Variants in ZMAT4 observed in about 807,000 individuals in gnomAD.
The protein encoded by ZMAT4 is zinc finger matrin-type protein 4.
In ZMAT4, 17 loss-of-function variants were observed where a neutral mutation model predicts 28.7. That is an observed-to-expected ratio of 0.59 (90% CI 0.41 to 0.89). The LOEUF is 0.89. Among genes scored for constraint, ZMAT4 ranks in the 40% least tolerant of loss-of-function variants. The pLI is 0.00. For missense variants in ZMAT4, 240 were observed against 283.8 expected, an observed-to-expected ratio of 0.85 and a Z score of 1.11; for synonymous variants, 117 against 109.2, an observed-to-expected ratio of 1.07 and a Z score of -0.44.
chr8:40,614,729 C>T (rs1805933421), intron 5 of ZMAT4, among the ~76,000 whole-genome samples: 1 of 152,150 alleles, frequency 6.6e-6, no homozygotes, highest in Admixed American at 6.5e-5. Context: ...ACTGTTTTAT[C>T]AGAGACTAGG....
At chr8:40,844,492 A>G (rs1181488813) in intron 1 of ZMAT4, among the ~76,000 whole-genome samples, 1 of 152,220 alleles carries the variant, frequency 6.6e-6, no homozygotes, top group Non-Finnish European at 1.5e-5. Flanking sequence ...AAGCTGAATT[A>G]CATGACTAGC....
At chr8:40,896,258 G>A (rs751341603) in intron 1 of ZMAT4, among the ~76,000 whole-genome samples, 12 of 152,282 alleles carry the variant, frequency 7.9e-5, no homozygotes, top group African/African-American at 2.6e-4. Context: ...GCATCTCCGT[G>A]GAAGGGTGCC....
In ZMAT4 at chr8:40,562,549, C is replaced by G. The variant is rs185426130; in HGVS notation, c.674+18616G>C. On this transcript the variant is annotated intron_variant, in intron 6 of 6. Transcript: ENST00000297737. ...GCATAGCAAACAGCTACACATCACC[C>G]TCCATCCTCCTGGGTGCTGTCATCA... 1.1e-3 allele frequency among the ~76,000 whole-genome samples: 174 copies of G among 152,274 alleles called. 1 individual carries two copies. The highest frequency in any genetic ancestry group is 3.2e-3 in the African/African-American group (131 of 41,566).
intron 5 of ZMAT4, among the ~76,000 whole-genome samples, chr8:40,645,868 T>G (rs1563384003): frequency 6.6e-6 from 1 of 152,108 alleles, no homozygotes; most frequent in Admixed American, 6.5e-5. Flanking sequence ...TACAGTAATA[T>G]GTATATATAA....
intron 3 of ZMAT4, among the ~76,000 whole-genome samples, chr8:40,733,325 C>G (rs115285054): frequency 0.017 from 2,573 of 152,258 alleles, 70 homozygotes; most frequent in African/African-American, 0.058. Flanking sequence ...TGGTATATTT[C>G]ATTTCCAAGC....
chr8:40,626,748 AC>A (rs1351438994), intron 5 of ZMAT4, among the ~76,000 whole-genome samples: 1 of 152,202 alleles, frequency 6.6e-6, no homozygotes, highest in Non-Finnish European at 1.5e-5. Context: ...AGGCAAAGCA[AC>A]ACTGGGATTG....
intron 1 of ZMAT4, among the ~76,000 whole-genome samples, chr8:40,873,131 G>T (rs1817922406): frequency 6.6e-6 from 1 of 152,182 alleles, no homozygotes; most frequent in Admixed American, 6.5e-5. Flanking sequence ...AGCTTTGAGG[G>T]ATGTGTTGCC....
intron 5 of ZMAT4, among the ~76,000 whole-genome samples, chr8:40,643,166 C>T (rs1389116174): frequency 6.6e-6 from 1 of 152,056 alleles, no homozygotes; most frequent in African/African-American, 2.4e-5. Context: ...ATGTCTGTGC[C>T]CACACACTAG....
chr8:40,850,709 C>T (rs1817072247), intron 1 of ZMAT4, among the ~76,000 whole-genome samples: 1 of 152,170 alleles, frequency 6.6e-6, no homozygotes, highest in African/African-American at 2.4e-5. Flanking sequence ...TTACAGATCA[C>T]GTGGGGTGGG....
rs1803858790 is a variant in ZMAT4, at chr8:40,564,741, T to C, written c.674+16424A>G. Among the ~76,000 whole-genome samples the C allele has an allele frequency of 5.3e-5, 8 of 152,308 alleles. No individual in the cohort carries two copies. The South Asian group carries it at 1.7e-3, about 32-fold the overall frequency. ...GAATGATATTCATGATATTCATTGATTTTAGTCATTCAAATTATGTGTTGG... is the reference window on the plus strand; with the variant it reads ...GAATGATATTCATGATATTCATTGACTTTAGTCATTCAAATTATGTGTTGG... On this transcript the variant is annotated intron_variant, in intron 6 of 6. Coordinates refer to ENST00000297737, the MANE Select transcript of ZMAT4 (RefSeq NM_024645.3).
intron 1 of ZMAT4, among the ~76,000 whole-genome samples, chr8:40,858,158 C>A (rs1000661970): frequency 1.3e-5 from 2 of 152,128 alleles, no homozygotes; most frequent in Admixed American, 6.5e-5. Context: ...GACCTCAATA[C>A]TTTTTTCACA....
intron 5 of ZMAT4, among the ~76,000 whole-genome samples, chr8:40,636,263 A>G (rs1250175933): frequency 6.6e-6 from 1 of 152,236 alleles, no homozygotes; most frequent in Non-Finnish European, 1.5e-5. Flanking sequence ...ACTGGCTTGC[A>G]CTCACAAAAT....
intron 5 of ZMAT4, among the ~76,000 whole-genome samples, chr8:40,659,609 G>T (rs117845497): frequency 4.1e-4 from 63 of 152,192 alleles, no homozygotes; most frequent in African/African-American, 1.4e-3. Context: ...GATATTTCAC[G>T]TATTCTGGAG....
intron 4 of ZMAT4, among the ~76,000 whole-genome samples, chr8:40,680,700 GTACACACACACA>G (rs1809121680): frequency 6.7e-6 from 1 of 149,094 alleles, no homozygotes; most frequent in African/African-American, 2.5e-5. Context: ...CATGTCTAAT[GTACACACACACA>G]CACACACACA....
At chr8:40,635,070 C>A (rs926888148) in intron 5 of ZMAT4, among the ~76,000 whole-genome samples, 3 of 152,150 alleles carry the variant, frequency 2.0e-5, no homozygotes, top group Non-Finnish European at 2.9e-5. Context: ...TCCTGGGGAT[C>A]TATGAGTACA....
chr8:40,647,383 C>T (rs1023153348), intron 5 of ZMAT4, among the ~76,000 whole-genome samples: 6 of 152,334 alleles, frequency 3.9e-5, no homozygotes, highest in African/African-American at 7.2e-5. Flanking sequence ...TAAAACACGG[C>T]GCACCACAAG....
At chr8:40,891,881 C>A (rs144551026) in intron 1 of ZMAT4, among the ~76,000 whole-genome samples, 1 of 152,220 alleles carries the variant, frequency 6.6e-6, no homozygotes, top group African/African-American at 2.4e-5. Flanking sequence ...GGGCTACACA[C>A]AGAATGGTTT....
chr8:40,765,722 A>T (rs34122307), intron 3 of ZMAT4, among the ~76,000 whole-genome samples: 7,707 of 152,160 alleles, frequency 0.051, 240 homozygotes, highest in Middle Eastern at 0.092. Context: ...AGTGGCAAGG[A>T]CCATCTTGAG....
chr8:40,615,482 T>C (rs188206610), intron 5 of ZMAT4, among the ~76,000 whole-genome samples: 19 of 152,324 alleles, frequency 1.2e-4, no homozygotes, highest in African/African-American at 4.1e-4. Context: ...TGACTTGCTA[T>C]GTTAGGGAAG....
Sources: allele counts gnomAD v4.1 joint callset (sites outside exome capture counted in the v4.1 genomes callset), GRCh38; gene constraint gnomAD v4.1.1; transcripts MANE v1.5; gene names NCBI Gene and HGNC (gene_info 2026-07-23, HGNC 2026-07-21).